ATP8A1: variants seen among roughly 807,000 people sequenced by gnomAD.
ATP8A1 encodes the protein phospholipid-transporting ATPase IA.
A neutral mutation model predicts 177.7 loss-of-function variants in ATP8A1; 90 were observed. The ratio of observed to expected loss-of-function variants is 0.51; its 90% CI spans 0.43 to 0.60. The LOEUF (loss-of-function observed/expected upper bound fraction) is 0.60. Ranked by LOEUF, ATP8A1 falls within the 20% of genes least tolerant of loss-of-function variation. The pLI is 0.00. For missense variants in ATP8A1, 1,072 were observed against 1,392.8 expected (o/e 0.77, Z 3.67); for synonymous variants, 493 against 485.9 (o/e 1.01, Z -0.19).
chr4:42,591,430 T>C (rs528532939), intron 6 of ATP8A1, among the ~76,000 whole-genome samples: 32 of 152,288 alleles, frequency 2.1e-4, no homozygotes, highest in South Asian at 4.1e-4. Flanking sequence ...CTAACTTTAA[T>C]GCAAAGCTGC....
At position 42,423,477 on chromosome 4, in the gene ATP8A1, C is replaced by A. The variant is rs922937197; in HGVS notation, c.3212+140G>T. On this transcript the variant is annotated intron_variant, in intron 34 of 36. Transcript: ENST00000381668. ...ACTAGTTTTCTAGTTCCTGAATCAC[C>A]CCTTCCTTATTTAAAATTAAGTAAT... The A allele has an allele frequency of 3.5e-5, 17 of 480,460 alleles. No homozygotes were observed. The South Asian group carries it at 1.1e-3, about 32-fold the overall frequency. The allele number at this position is 480,460 out of a possible 1,614,324, so 29.8% of individuals were successfully genotyped here.
At chr4:42,442,706 A>T (rs1019592161) in intron 33 of ATP8A1, among the ~76,000 whole-genome samples, 1 of 152,220 alleles carries the variant, frequency 6.6e-6, no homozygotes, top group Admixed American at 6.5e-5. Flanking sequence ...TCTATAAACC[A>T]GACTGTCAAA....
chr4:42,625,344 G>A (rs6842822), intron 3 of ATP8A1: 58,381 of 248,262 alleles, frequency 0.24, 7,720 homozygotes, highest in Non-Finnish European at 0.29. Flanking sequence ...ATGAAAATTA[G>A]CATTTTAAGA....
intron 33 of ATP8A1, among the ~76,000 whole-genome samples, chr4:42,435,979 C>T (rs1003954338): frequency 6.6e-6 from 1 of 152,132 alleles, no homozygotes; most frequent in African/African-American, 2.4e-5. Context: ...CATTCCCTGG[C>T]CCCCTCAATT....
rs996971497 is a variant in ATP8A1, at chr4:42,627,189, A to G, written c.50-80T>C. ...ACAGATTTCATAACTAGTCTAGAAT[A>G]TGAAATCTGTTAAAAGCTACTTGCT... On this transcript the variant is annotated intron_variant, in intron 1 of 36. Coordinates refer to ENST00000381668, the MANE Select transcript of ATP8A1 (RefSeq NM_006095.2). 1.8e-5 allele frequency: 18 copies of G among 1,019,864 alleles called. No homozygotes were observed. In the East Asian group the frequency reaches 2.8e-4, roughly 16 times the overall value. The allele number at this position is 1,019,864 out of a possible 1,614,324, so 63.2% of individuals were successfully genotyped here.
intron 20 of ATP8A1, among the ~76,000 whole-genome samples, chr4:42,532,240 A>G (rs1054940266): frequency 2.6e-5 from 4 of 152,090 alleles, no homozygotes; most frequent in Non-Finnish European, 5.9e-5. Context: ...TTGGGAGCAC[A>G]CTGGGAGGCC....
At chr4:42,414,043 G>A (rs1475878583) in intron 36 of ATP8A1, among the ~76,000 whole-genome samples, 1 of 151,764 alleles carries the variant, frequency 6.6e-6, no homozygotes, top group African/African-American at 2.4e-5. Flanking sequence ...AGTATAAAGA[G>A]CAAAAGCATT....
At chr4:42,636,077 T>C (rs1362180773) in intron 1 of ATP8A1, among the ~76,000 whole-genome samples, 1 of 128,336 alleles carries the variant, frequency 7.8e-6, no homozygotes. Context: ...CCTAAGACTA[T>C]GGGGGAAGGG....
Position 42,576,372 on chromosome 4 carries a change from A to C in ATP8A1, c.1129-673T>G, listed in dbSNP as rs1732445320. ...GCACCTGCAGTCCCAGCTACGGTGG[A>C]GGCTGAGGCAGGAGAATGGCGTGAA... On this transcript the variant is annotated intron_variant, in intron 12 of 36. Transcript: ENST00000381668. Among the ~76,000 whole-genome samples the C allele has an allele frequency of 3.5e-5, 5 of 144,252 alleles. No individual in the cohort carries two copies. The Admixed American group carries it at 3.6e-4, about 10-fold the overall frequency. The allele number at this position is 144,252 out of a possible 152,430, so 94.6% of individuals were successfully genotyped here.
intron 27 of ATP8A1, among the ~76,000 whole-genome samples, chr4:42,461,241 TTTCTTTC>T (rs1719095617): frequency 2.1e-5 from 1 of 46,870 alleles, no homozygotes; most frequent in Admixed American, 3.9e-4. Flanking sequence ...AGATCAATTT[TTTCTTTC>T]TTTTTTTTTT....
intron 33 of ATP8A1, among the ~76,000 whole-genome samples, chr4:42,436,731 T>A (rs369695114): frequency 6.6e-6 from 1 of 152,122 alleles, no homozygotes; most frequent in African/African-American, 2.4e-5. Flanking sequence ...CAGATGAAAC[T>A]CCATCATATC....
Position 42,422,807 on chromosome 4 carries a change from CT to C in ATP8A1, c.3304del (p.Ser1102AlafsTer2). The C allele has an allele frequency of 1.9e-6, 3 of 1,609,266 alleles. No individual in the cohort carries two copies. The highest frequency in any genetic ancestry group is 2.5e-6 in the Non-Finnish European group (3 of 1,177,286). ...AGAATATATTCACTGTGTATTTTAC[CT>C]TTTTCCAAGTACAACTGCTCCTGGG... The part of the protein sequence containing the change: ...QDPGAVVLGK[S>X]LTERAQLLKN... On this transcript the variant is annotated frameshift_variant and splice_region_variant, in exon 35 of 37. Transcript: ENST00000381668. LOFTEE classifies it high-confidence loss of function.
At chr4:42,438,454 G>A (rs1206042166) in intron 33 of ATP8A1, among the ~76,000 whole-genome samples, 1 of 152,098 alleles carries the variant, frequency 6.6e-6, no homozygotes, top group East Asian at 1.9e-4. Context: ...TTAACAAAAT[G>A]GGTATTATTT....
chr4:42,637,204 T>C, intron 1 of ATP8A1: 1 of 518,966 alleles, frequency 1.9e-6, no homozygotes, highest in Non-Finnish European at 3.8e-6. Context: ...CAGTGCAATT[T>C]TCCTGCTTAA....
At chr4:42,525,462 C>T (rs1560421778) in intron 20 of ATP8A1, among the ~76,000 whole-genome samples, 1 of 152,116 alleles carries the variant, frequency 6.6e-6, no homozygotes. Flanking sequence ...GGGAGAACCT[C>T]GAACAACTCT....
In ATP8A1 at chr4:42,600,496, T is replaced by C. The variant is rs1177653895; in HGVS notation, c.432A>G (p.Glu144=). The C allele has an allele frequency of 6.2e-7, 1 of 1,610,272 alleles. No individual in the cohort carries two copies. Among genetic ancestry groups the C allele is most frequent in the Non-Finnish European group, 8.5e-7 (1 of 1,178,600 alleles). ...QTQVLRNGAW[E]IVHWEKVAVG... ...TGCATACCTTTTCCCAGTGGACAAT[T>C]TCCCAAGCACCATTTCTCAAAACTG... The change falls in exon 6 of 37, where the codon GAA becomes GAG. Residue 144 remains glutamate, a synonymous_variant. Coordinates refer to ENST00000381668, the MANE Select transcript of ATP8A1 (RefSeq NM_006095.2).
At chr4:42,451,546 T>C (rs1717931351) in intron 30 of ATP8A1, among the ~76,000 whole-genome samples, 1 of 152,034 alleles carries the variant, frequency 6.6e-6, no homozygotes, top group African/African-American at 2.4e-5. Flanking sequence ...AAGATGAACA[T>C]AAAAACATAT....
intron 22 of ATP8A1, among the ~76,000 whole-genome samples, chr4:42,520,880 G>A (rs1321516591): frequency 6.6e-6 from 1 of 152,122 alleles, no homozygotes; most frequent in Non-Finnish European, 1.5e-5. Flanking sequence ...TCCATAAAAA[G>A]TGATAATCTG....
intron 24 of ATP8A1, 146 bp from the exon 25 acceptor site, chr4:42,485,814 A>AT (rs111682538): frequency 2.9e-6 from 2 of 687,466 alleles, no homozygotes; most frequent in Admixed American, 3.1e-5. Flanking sequence ...CAGTCATTTG[A>AT]TTCTTACTAG....
Sources: gnomAD v4.1 joint callset for allele counts (sites outside exome capture counted in the v4.1 genomes callset) on GRCh38, gnomAD v4.1.1 for gene constraint, MANE v1.5 for transcripts, NCBI Gene and HGNC (gene_info 2026-07-23, HGNC 2026-07-21) for gene names.